Variants in NAV1 observed in about 807,000 individuals in gnomAD.
NAV1 encodes the protein neuron navigator 1.
A neutral mutation model predicts 175.2 loss-of-function variants in NAV1; 18 were observed. The observed-to-expected ratio is 0.10, with a 90% CI of 0.07 to 0.15. The LOEUF (loss-of-function observed/expected upper bound fraction) is 0.15. NAV1 is among the 10% of genes least tolerant of loss of function. The pLI, the probability that NAV1 is intolerant of heterozygous loss-of-function variation, is 1.00. For synonymous variants in NAV1, 897 were observed against 978.7 expected, an observed-to-expected ratio of 0.92 and a Z score of 1.56; for missense variants, 1,731 against 2,436.6, an observed-to-expected ratio of 0.71 and a Z score of 6.10.
intron 29 of NAV1, among the ~76,000 whole-genome samples, chr1:201,819,404 A>C (rs895572949): frequency 6.6e-6 from 1 of 151,108 alleles, no homozygotes; most frequent in Non-Finnish European, 1.5e-5. Flanking sequence ...ACCACTCTAA[A>C]CTCTGAGCTC....
intron 2 of NAV1, among the ~76,000 whole-genome samples, chr1:201,640,056 T>C (rs1668708423): frequency 6.6e-6 from 1 of 151,718 alleles, no homozygotes; most frequent in Non-Finnish European, 1.5e-5. Context: ...CCGAGACGGT[T>C]GAGCTAGAGG....
chr1:201,543,576 C>T (rs890969387), intron 1 of NAV1, among the ~76,000 whole-genome samples: 1 of 151,654 alleles, frequency 6.6e-6, no homozygotes, highest in Admixed American at 6.6e-5. Flanking sequence ...TAAGTGCTAA[C>T]ATTTTACATT....
chr1:201,595,304 C>A (rs1228633907), intron 2 of NAV1, among the ~76,000 whole-genome samples: 1 of 152,270 alleles, frequency 6.6e-6, no homozygotes, highest in Non-Finnish European at 1.5e-5. Context: ...GTAGGCACCT[C>A]ACCCTGACTC....
At chr1:201,763,182 A>C (rs181772932) in intron 3 of NAV1, among the ~76,000 whole-genome samples, 2 of 152,208 alleles carry the variant, frequency 1.3e-5, no homozygotes, top group Admixed American at 1.3e-4. Flanking sequence ...CTTGATGTTC[A>C]AACTTTCTAA....
At position 201,679,389 on chromosome 1, in the gene NAV1, T is replaced by G. The variant is rs184214192; in HGVS notation, c.757+29964T>G. On this transcript the variant is annotated intron_variant, in intron 1 of 29. Transcript: ENST00000367296. ...CCTGATTTTTCCATCTCAGACTGCC[T>G]GGCACCCCTGAGGACCCCCTCTGCT... 3.3e-3 allele frequency among the ~76,000 whole-genome samples: 503 copies of G among 152,234 alleles called. 4 individuals are homozygous for G. Among genetic ancestry groups the G allele is most frequent in the Admixed American group, 0.01 (154 of 15,296 alleles).
intron 1 of NAV1, among the ~76,000 whole-genome samples, chr1:201,709,619 G>A (rs1406592525): frequency 1.3e-5 from 2 of 152,200 alleles, no homozygotes; most frequent in Non-Finnish European, 2.9e-5. Context: ...CCTGGGCTGA[G>A]CCTTGGAGAA....
At chr1:201,770,777 C>T (rs1675522292) in intron 3 of NAV1, among the ~76,000 whole-genome samples, 1 of 152,176 alleles carries the variant, frequency 6.6e-6, no homozygotes, top group Non-Finnish European at 1.5e-5. Context: ...AAGTACCCAC[C>T]TACCCCTAAA....
At chr1:201,584,631 C>G (rs1165865675) in intron 1 of NAV1, among the ~76,000 whole-genome samples, 1 of 152,170 alleles carries the variant, frequency 6.6e-6, no homozygotes, top group Non-Finnish European at 1.5e-5. Flanking sequence ...CCAGCAGAGC[C>G]CACGGCAGCC....
At chr1:201,615,750 A>G (rs1024537018) in intron 2 of NAV1, among the ~76,000 whole-genome samples, 2 of 152,250 alleles carry the variant, frequency 1.3e-5, no homozygotes, top group African/African-American at 4.8e-5. Context: ...TTGAACCCAG[A>G]TCTTCCAGAT....
chr1:201,705,099 A>G (rs1218809908), intron 1 of NAV1, among the ~76,000 whole-genome samples: 1 of 152,134 alleles, frequency 6.6e-6, no homozygotes, highest in Non-Finnish European at 1.5e-5. Flanking sequence ...GATTACAGGC[A>G]TAAGCTACTG....
Position 201,694,126 on chromosome 1 carries a change from C to T in NAV1, c.758-18691C>T, listed in dbSNP as rs1671084036. ...CTGTCCCCAGGAGCAAAGCCTTGGC[C>T]CGCTGTTCCCATGGCAACCGCCAGT... On this transcript the variant is annotated intron_variant, in intron 1 of 29. Coordinates refer to ENST00000367296, the Ensembl canonical transcript of NAV1. This position sits in a 1 kb window ranked among gnomAD's most constrained non-coding sequence, Gnocchi z 4.2. Among the ~76,000 whole-genome samples, 1 of 152,210 alleles carries T rather than the reference C, an allele frequency of 6.6e-6. No homozygotes were observed. Among genetic ancestry groups the T allele is most frequent in the African/African-American group, 2.4e-5 (1 of 41,474 alleles).
intron 1 of NAV1, among the ~76,000 whole-genome samples, chr1:201,660,113 C>T (rs1046600379): frequency 2.0e-5 from 3 of 152,166 alleles, no homozygotes; most frequent in African/African-American, 7.2e-5. Context: ...GCATTTACAG[C>T]ATGGCCTCCC....
Position 201,587,600 on chromosome 1 carries a change from C to T in NAV1, c.-143-939C>T, listed in dbSNP as rs374685747. On this transcript the variant is annotated intron_variant, in intron 1 of 33. Transcript: ENST00000685211. Reference sequence around the variant, plus strand: ...TTGGGAGGTTGATGTGGGAGGATAGCTTGAGCCCAGGAGGCACAGGTTGCA... The same window carrying T: ...TTGGGAGGTTGATGTGGGAGGATAGTTTGAGCCCAGGAGGCACAGGTTGCA... Among the ~76,000 whole-genome samples the T allele has an allele frequency of 1.1e-4, 17 of 152,180 alleles. No homozygotes were observed. In the East Asian group the frequency reaches 1.9e-3, roughly 17 times the overall value.
intron 3 of NAV1, among the ~76,000 whole-genome samples, chr1:201,771,238 C>CAA (rs3054144): frequency 0.14 from 12,850 of 92,500 alleles, 1,881 homozygotes; most frequent in African/African-American, 0.38. Context: ...GACTCCGTCT[C>CAA]AAAAAAAAAA....
At chr1:201,551,681 A>G (rs1023489759) in intron 1 of NAV1, among the ~76,000 whole-genome samples, 5 of 152,254 alleles carry the variant, frequency 3.3e-5, no homozygotes, top group African/African-American at 1.2e-4. Flanking sequence ...GCTACTTTAA[A>G]GTACACCACC....
At chr1:201,622,353 G>A (rs1571850139), upstream of NAV1, among the ~76,000 whole-genome samples, 3 of 152,348 alleles carry the variant, frequency 2.0e-5, no homozygotes, top group South Asian at 6.2e-4. Flanking sequence ...TGTGGAAGAA[G>A]GTTGCACTGC....
At chr1:201,603,640 G>A (rs1261101992) in intron 2 of NAV1, among the ~76,000 whole-genome samples, 5 of 152,158 alleles carry the variant, frequency 3.3e-5, no homozygotes, top group Admixed American at 2.0e-4. Context: ...CTTCCTTGAA[G>A]GTGGAAAGTA....
chr1:201,783,326 G>C, intron 6 of NAV1, 80 bp from the exon 11 acceptor site: 1 of 1,376,896 alleles, frequency 7.3e-7, no homozygotes, highest in East Asian at 2.3e-5. Flanking sequence ...AACAAGACTG[G>C]ATAGGATTTC....
chr1:201,704,876 T>C (rs923491625), intron 1 of NAV1, among the ~76,000 whole-genome samples: 2 of 152,190 alleles, frequency 1.3e-5, no homozygotes, highest in Non-Finnish European at 2.9e-5. Flanking sequence ...GGGTATCCTC[T>C]ACTCCCACTC....
Sources: allele counts gnomAD v4.1 joint callset (sites outside exome capture counted in the v4.1 genomes callset), GRCh38; gene constraint gnomAD v4.1.1; non-coding constraint Gnocchi (gnomAD v3.1); transcripts MANE v1.5; gene names NCBI Gene and HGNC (gene_info 2026-07-23, HGNC 2026-07-21).